The following NAA11 variants were observed in gnomAD, a reference collection of about 807,000 sequenced individuals.
NAA11 encodes the protein N-alpha-acetyltransferase 11.
A neutral mutation model predicts 16.1 loss-of-function variants in NAA11; 15 were observed. The ratio of observed to expected loss-of-function variants is 0.93; its 90% confidence interval spans 0.62 to 1.44. The LOEUF is 1.44. Among genes scored for constraint, NAA11 ranks in the 40% most tolerant of loss-of-function variants. The probability of loss-of-function intolerance (pLI) is 0.00; values close to 1 mark genes in which losing one functional copy is unlikely to be tolerated. For missense variants in NAA11, 298 were observed against 291.3 expected (o/e 1.02, Z -0.17); for synonymous variants, 122 against 112.4 (o/e 1.09, Z -0.54).
intron 2 of NAA11, among the ~76,000 whole-genome samples, chr4:79,255,612 C>T (rs1313128534): frequency 6.6e-6 from 1 of 152,056 alleles, no homozygotes; most frequent in Non-Finnish European, 1.5e-5. Flanking sequence ...TTGTTTAATT[C>T]ATTTATATTC....
chr4:79,273,508 A>G (rs535174378), intron 2 of NAA11, among the ~76,000 whole-genome samples: 1 of 152,048 alleles, frequency 6.6e-6, no homozygotes, highest in Non-Finnish European at 1.5e-5. Context: ...TGGAAGAAAA[A>G]TATGCAATAT....
At chr4:79,198,546 G>A in the NAA11 span, among the ~76,000 whole-genome samples, 3 of 151,932 alleles carry the variant, frequency 2.0e-5, no homozygotes, top group East Asian at 5.8e-4. Context: ...TCTGAGGTCT[G>A]GGGTATCCTC....
intron 2 of NAA11, among the ~76,000 whole-genome samples, chr4:79,273,200 A>G (rs1435543442): frequency 2.0e-5 from 3 of 151,994 alleles, no homozygotes. Flanking sequence ...ATACAAGTAC[A>G]TATATAGAAG....
the NAA11 span, among the ~76,000 whole-genome samples, chr4:79,215,274 TTGTTTA>T: frequency 6.6e-6 from 1 of 152,180 alleles, no homozygotes; most frequent in African/African-American, 2.4e-5. Flanking sequence ...ATTGAGTGAC[TTGTTTA>T]TGTTTGCAGG....
chr4:79,204,825 T>C, the NAA11 span, among the ~76,000 whole-genome samples: 3 of 151,842 alleles, frequency 2.0e-5, no homozygotes, highest in Non-Finnish European at 2.9e-5. Context: ...TGATTTTTCA[T>C]TCCTGATTTA....
chr4:79,323,867 G>A (rs1255148651), intron 1 of NAA11, among the ~76,000 whole-genome samples: 2 of 151,902 alleles, frequency 1.3e-5, no homozygotes, highest in Non-Finnish European at 2.9e-5. Context: ...GCCAGGCGAG[G>A]TGGCGGGCGC....
chr4:79,186,843 C>A, the NAA11 span, among the ~76,000 whole-genome samples: 1 of 152,040 alleles, frequency 6.6e-6, no homozygotes, highest in East Asian at 1.9e-4. Context: ...CTGTGAGGCT[C>A]CAAACCTCCA....
chr4:79,318,407 C>T (rs568782884), intron 1 of NAA11, among the ~76,000 whole-genome samples: 2 of 152,192 alleles, frequency 1.3e-5, no homozygotes, highest in Admixed American at 6.5e-5. Flanking sequence ...CATTATTTTT[C>T]TCTCCTTTAA....
rs1209590386 is a variant in NAA11, at chr4:79,266,995, T to G, written c.*122+27010A>C. On this transcript the variant is annotated intron_variant and NMD_transcript_variant, in intron 2 of 2. Coordinates refer to the NAA11 transcript ENST00000511542. ...CACAGTGAAAGACAAAAAGCATGTTTAGCTAAATTATCTTTGTATAGTATA... is the reference window on the plus strand; with the variant it reads ...CACAGTGAAAGACAAAAAGCATGTTGAGCTAAATTATCTTTGTATAGTATA... Among the ~76,000 whole-genome samples the G allele has an allele frequency of 9.9e-4, 151 of 152,234 alleles. 3 individuals are homozygous for G. The highest frequency in any genetic ancestry group is 1.0e-4 in the Non-Finnish European group (7 of 68,034).
At chr4:79,261,120 A>G (rs1722236403) in intron 2 of NAA11, among the ~76,000 whole-genome samples, 1 of 152,236 alleles carries the variant, frequency 6.6e-6, no homozygotes, top group South Asian at 2.1e-4. Flanking sequence ...AAGTGGCACC[A>G]TTAAGACATT....
At chr4:79,193,355 T>C in the NAA11 span, among the ~76,000 whole-genome samples, 1 of 152,212 alleles carries the variant, frequency 6.6e-6, no homozygotes, top group East Asian at 1.9e-4. Context: ...TTTATGGTTT[T>C]AGGTCTAACA....
the NAA11 span, among the ~76,000 whole-genome samples, chr4:79,172,945 G>A: frequency 6.6e-6 from 1 of 152,082 alleles, no homozygotes; most frequent in African/African-American, 2.4e-5. Context: ...AAATTTGGCA[G>A]GACTTTAACC....
intron 2 of NAA11, among the ~76,000 whole-genome samples, chr4:79,237,731 T>A (rs1209312390): frequency 6.6e-6 from 1 of 152,228 alleles, no homozygotes; most frequent in Non-Finnish European, 1.5e-5. Flanking sequence ...GACGAAAAGC[T>A]GTTCAGGAAT....
the NAA11 span, among the ~76,000 whole-genome samples, chr4:79,167,947 G>C: frequency 1.3e-5 from 2 of 152,024 alleles, no homozygotes; most frequent in African/African-American, 4.8e-5. Flanking sequence ...AGGTGCACCT[G>C]TGCCATGGTG....
At chr4:79,264,177 A>T (rs1342350027) in intron 2 of NAA11, among the ~76,000 whole-genome samples, 3 of 152,250 alleles carry the variant, frequency 2.0e-5, no homozygotes, top group African/African-American at 7.2e-5. Context: ...GTAAACTGTT[A>T]CTAGTCTGTG....
downstream of NAA11, among the ~76,000 whole-genome samples, chr4:79,224,357 G>A (rs1377650133): frequency 6.6e-6 from 1 of 152,078 alleles, no homozygotes; most frequent in South Asian, 2.1e-4. Flanking sequence ...TTCTGTTCAT[G>A]TTGCTGCTTC....
At chr4:79,205,848 C>A in the NAA11 span, among the ~76,000 whole-genome samples, 8 of 151,938 alleles carry the variant, frequency 5.3e-5, no homozygotes, top group Non-Finnish European at 1.5e-5. Flanking sequence ...ATTTTTCTAG[C>A]ACCATTTATT....
At chr4:79,204,940 C>CACAT in the NAA11 span, among the ~76,000 whole-genome samples, 1 of 151,492 alleles carries the variant, frequency 6.6e-6, no homozygotes, top group African/African-American at 2.4e-5. Flanking sequence ...CACACACACA[C>CACAT]ACACACACAC....
the NAA11 span, among the ~76,000 whole-genome samples, chr4:79,180,664 C>T: frequency 6.6e-6 from 1 of 152,210 alleles, no homozygotes; most frequent in Non-Finnish European, 1.5e-5. Context: ...TTGTGGAAGA[C>T]AGTGTGGCGA....
Sources: allele counts gnomAD v4.1 joint callset (sites outside exome capture counted in the v4.1 genomes callset), GRCh38; gene constraint gnomAD v4.1.1; transcripts MANE v1.5; gene names NCBI Gene and HGNC (gene_info 2026-07-23, HGNC 2026-07-21).